The following C3orf20 variants were observed in gnomAD, a reference collection of about 807,000 sequenced individuals.
The protein encoded by C3orf20 is uncharacterized protein C3orf20.
A neutral mutation model predicts 88.3 loss-of-function variants in C3orf20; 76 were observed. The observed-to-expected ratio is 0.86, with a 90% CI of 0.72 to 1.04. C3orf20 has a LOEUF of 1.04. Among genes scored for constraint, C3orf20 ranks in the 50% least tolerant of loss-of-function variants. The pLI is 0.00. For synonymous variants in C3orf20, 436 were observed against 437.4 expected, an observed-to-expected ratio of 1.00 and a Z score of 0.04; for missense variants, 1,056 against 1,123.3, an observed-to-expected ratio of 0.94 and a Z score of 0.86.
chr3:14,680,618 AAAG>A lies in C3orf20; in HGVS notation c.-298-1551_-298-1549del, dbSNP rs1275956692. On this transcript the variant is annotated intron_variant, in intron 1 of 16. Coordinates refer to ENST00000253697, the MANE Select transcript of C3orf20 (RefSeq NM_032137.5). ...CTAAAAGCCATTGTACACACGTTAA[AAAG>A]GGTGGATTGTATGTGAATTCTATCT... Among the ~76,000 whole-genome samples the A allele has an allele frequency of 2.0e-5, 3 of 152,152 alleles. No individual in the cohort carries two copies. The East Asian group carries it at 5.8e-4, about 29-fold the overall frequency.
intron 12 of C3orf20, among the ~76,000 whole-genome samples, chr3:14,746,735 G>A (rs2035068359): frequency 6.6e-6 from 1 of 152,152 alleles, no homozygotes; most frequent in Non-Finnish European, 1.5e-5. Flanking sequence ...AACTTTCTTT[G>A]GGCAGTTTTG....
intron 14 of C3orf20, 107 bp from the exon 15 acceptor site, chr3:14,761,366 A>G: frequency 9.0e-6 from 12 of 1,327,570 alleles, no homozygotes; most frequent in Non-Finnish European, 1.3e-5. Context: ...AAGCTCTGAG[A>G]GGCCTGTGGC....
chr3:14,679,844 T>C (rs1160763362), intron 1 of C3orf20, among the ~76,000 whole-genome samples: 3 of 152,158 alleles, frequency 2.0e-5, no homozygotes, highest in Non-Finnish European at 4.4e-5. Flanking sequence ...CATTGCTTTT[T>C]AAAACAGTTT....
intron 7 of C3orf20, among the ~76,000 whole-genome samples, chr3:14,712,390 G>A (rs2033786716): frequency 6.6e-6 from 1 of 152,126 alleles, no homozygotes; most frequent in South Asian, 2.1e-4. Context: ...TTCAGCCTCT[G>A]GAACTGTAAG....
intron 9 of C3orf20, 122 bp from the exon 10 acceptor site, chr3:14,721,531 G>T: frequency 7.4e-7 from 1 of 1,354,320 alleles, no homozygotes; most frequent in Non-Finnish European, 1.0e-6. Flanking sequence ...ATAAGAACTG[G>T]AAAGCTCTTA....
intron 12 of C3orf20, among the ~76,000 whole-genome samples, chr3:14,748,202 T>C (rs967713918): frequency 6.6e-6 from 1 of 152,174 alleles, no homozygotes; most frequent in African/African-American, 2.4e-5. Flanking sequence ...TTTTGATCAT[T>C]TGTGTGTCTT....
At chr3:14,729,074 G>A (rs1257725234) in intron 12 of C3orf20, among the ~76,000 whole-genome samples, 3 of 152,116 alleles carry the variant, frequency 2.0e-5, no homozygotes, top group East Asian at 1.9e-4. Context: ...CTGGGAACAC[G>A]GCTACACCCA....
chr3:14,723,388 T>A (rs556794939), intron 10 of C3orf20, among the ~76,000 whole-genome samples: 1 of 152,376 alleles, frequency 6.6e-6, no homozygotes, highest in Admixed American at 6.5e-5. Flanking sequence ...GCATTTCACC[T>A]TCATTAATTC....
intron 12 of C3orf20, among the ~76,000 whole-genome samples, chr3:14,747,763 C>G (rs2035097810): frequency 6.6e-6 from 1 of 152,038 alleles, no homozygotes; most frequent in Admixed American, 6.6e-5. Flanking sequence ...TAACTGATCA[C>G]ATAGAAATCT....
chr3:14,709,554 T>G (rs1174283745), intron 7 of C3orf20, among the ~76,000 whole-genome samples: 1 of 152,254 alleles, frequency 6.6e-6, no homozygotes, highest in Non-Finnish European at 1.5e-5. Flanking sequence ...TATTCCGAAT[T>G]TGTTGAGTGT....
chr3:14,680,453 G>A (rs527272785), intron 1 of C3orf20, among the ~76,000 whole-genome samples: 1 of 152,270 alleles, frequency 6.6e-6, no homozygotes, highest in East Asian at 1.9e-4. Context: ...GTCCAGAACA[G>A]GCAAATCCAC....
At chr3:14,705,239 C>A (rs2033451384) in intron 7 of C3orf20, among the ~76,000 whole-genome samples, 1 of 152,256 alleles carries the variant, frequency 6.6e-6, no homozygotes, top group Non-Finnish European at 1.5e-5. Flanking sequence ...AAGCTATAGA[C>A]CTTCTCCCTA....
intron 12 of C3orf20, among the ~76,000 whole-genome samples, chr3:14,729,063 T>G (rs1337085204): frequency 2.6e-5 from 4 of 152,180 alleles, no homozygotes; most frequent in African/African-American, 9.7e-5. Flanking sequence ...AATAAGGTTT[T>G]CTGGGAACAC....
intron 4 of C3orf20, among the ~76,000 whole-genome samples, chr3:14,685,718 A>ATGAGTT (rs2032381545): frequency 6.6e-6 from 1 of 151,856 alleles, no homozygotes; most frequent in African/African-American, 2.4e-5. Flanking sequence ...CTCTGCTTCT[A>ATGAGTT]TGAGTTTGAG....
At chr3:14,727,081 T>C in intron 11 of C3orf20, 57 bp downstream of exon 11, 13 of 1,596,870 alleles carry the variant, frequency 8.1e-6, no homozygotes, top group Non-Finnish European at 1.1e-5. Flanking sequence ...AGTCCTGAGA[T>C]TCTGGCAGGT....
At chr3:14,745,106 T>C (rs937509615) in intron 12 of C3orf20, among the ~76,000 whole-genome samples, 4 of 152,060 alleles carry the variant, frequency 2.6e-5, no homozygotes, top group African/African-American at 4.8e-5. Flanking sequence ...ACAAATCTGT[T>C]TGCCTGTTAG....
At position 14,728,480 on chromosome 3, in the gene C3orf20, G is replaced by T; in HGVS notation, c.1732G>T (p.Glu578Ter). 2 of 1,614,136 alleles carry T rather than the reference G, an allele frequency of 1.2e-6. No individual in the cohort carries two copies. The highest frequency in any genetic ancestry group is 1.7e-6 in the Non-Finnish European group (2 of 1,180,016). Residue 578 changes from glutamate (E) to a stop codon, truncating the protein, a stop_gained, in exon 12 of 17, where the codon GAA (glutamate) becomes TAA (stop). Transcript: ENST00000253697. LOFTEE classifies it high-confidence loss of function. ...IEYPTKKEEE[E>*]FVRFKMRSRT... ...ATATCCCACCAAAAAGGAGGAGGAA[G>T]AATTTGTTCGGTTCAAGATGAGATC...
At chr3:14,681,742 G>T (rs1282390185) in intron 1 of C3orf20, among the ~76,000 whole-genome samples, 1 of 152,166 alleles carries the variant, frequency 6.6e-6, no homozygotes, top group African/African-American at 2.4e-5. Flanking sequence ...ATTTTGTTCA[G>T]AAAAATGAAA....
intron 15 of C3orf20, among the ~76,000 whole-genome samples, chr3:14,762,815 T>TC (rs75793607): frequency 0.11 from 16,500 of 151,746 alleles, 1,805 homozygotes; most frequent in African/African-American, 0.28. Context: ...TTTCTAGGAG[T>TC]CTTATGCCCT....
Sources: allele counts gnomAD v4.1 joint callset (sites outside exome capture counted in the v4.1 genomes callset), GRCh38; gene constraint gnomAD v4.1.1; transcripts MANE v1.5; gene names NCBI Gene and HGNC (gene_info 2026-07-23, HGNC 2026-07-21).